WASL: variants seen among roughly 807,000 people sequenced by gnomAD.
The protein encoded by WASL is WASP like actin nucleation promoting factor, also known as actin nucleation-promoting factor WASL.
In WASL, 20 loss-of-function variants were observed where a neutral mutation model predicts 55.5. The ratio of observed to expected loss-of-function variants is 0.36; its 90% CI spans 0.25 to 0.52. WASL has a LOEUF of 0.52. Ranked by LOEUF, WASL falls within the 20% of genes least tolerant of loss-of-function variation. The pLI is 0.92. For missense variants in WASL, 504 were observed against 622.5 expected (o/e 0.81, Z 2.03); for synonymous variants, 249 against 217.6 (o/e 1.14, Z -1.27).
chr7:123,709,448 T>C (rs552057373), intron 1 of WASL, among the ~76,000 whole-genome samples: 1 of 152,322 alleles, frequency 6.6e-6, no homozygotes, highest in South Asian at 2.1e-4. Context: ...TAACAATAAT[T>C]ACTGAAAACA....
At chr7:123,706,938 ATGCACACATGTAACATATT>A in intron 2 of WASL, 112 bp from the exon 3 acceptor site, 2 of 537,466 alleles carry the variant, frequency 3.7e-6, no homozygotes, top group Non-Finnish European at 6.4e-6. Flanking sequence ...ATAACTTTTA[ATGCACACATGTAACATATT>A]TATAATATAT....
chr7:123,735,279 A>G (rs1012839624), intron 1 of WASL, among the ~76,000 whole-genome samples: 11 of 151,756 alleles, frequency 7.2e-5, no homozygotes, highest in African/African-American at 2.7e-4. Context: ...GACTTCATGG[A>G]AAAAAAATAG....
At chr7:123,734,532 T>C (rs1354251181) in intron 1 of WASL, among the ~76,000 whole-genome samples, 1 of 139,226 alleles carries the variant, frequency 7.2e-6, no homozygotes, top group Non-Finnish European at 1.5e-5. Context: ...CTATAAAGGC[T>C]ACATACTGTA....
intron 1 of WASL, among the ~76,000 whole-genome samples, chr7:123,748,415 T>C (rs1273236748): frequency 6.6e-6 from 1 of 151,598 alleles, no homozygotes; most frequent in Non-Finnish European, 1.5e-5. Flanking sequence ...CTCCAGCAGC[T>C]CGGGAAGGCG....
chr7:123,718,331 T>C (rs78038047), intron 1 of WASL, among the ~76,000 whole-genome samples: 2,502 of 152,264 alleles, frequency 0.016, 29 homozygotes, highest in Non-Finnish European at 0.025. Context: ...ATCAGAACAA[T>C]AGAATTTTGT....
intron 1 of WASL, among the ~76,000 whole-genome samples, chr7:123,729,078 T>C (rs1804099713): frequency 6.6e-6 from 1 of 152,184 alleles, no homozygotes; most frequent in African/African-American, 2.4e-5. Flanking sequence ...TATTACTCTG[T>C]GAACTGCCTA....
chr7:123,728,395 A>G (rs1222698104), intron 1 of WASL, among the ~76,000 whole-genome samples: 2 of 152,220 alleles, frequency 1.3e-5, no homozygotes, highest in Non-Finnish European at 2.9e-5. Context: ...ACAGATGAAG[A>G]GCATGTGTGT....
intron 1 of WASL, chr7:123,720,199 T>C (rs964492456): frequency 1.3e-5 from 5 of 390,188 alleles, no homozygotes; most frequent in South Asian, 7.8e-5. Flanking sequence ...ATGACTTCTA[T>C]CAAAACCATT....
intron 5 of WASL, among the ~76,000 whole-genome samples, chr7:123,703,925 CCTCT>C (rs1224322351): frequency 1.3e-5 from 2 of 152,068 alleles, no homozygotes; most frequent in East Asian, 1.9e-4. Context: ...AGCCATGGAT[CCTCT>C]CTCTCCAGAG....
At position 123,748,672 on chromosome 7, in the gene WASL, C is replaced by T; in HGVS notation, c.63G>A (p.Leu21=). The T allele has an allele frequency of 6.2e-7, 1 of 1,612,854 alleles. No homozygotes were observed. The highest frequency in any genetic ancestry group is 8.5e-7 in the Non-Finnish European group (1 of 1,179,490). The stretch of plus-strand genomic sequence containing the variant: ...GGGACTCGTTCTCCTGCGGGGTGAG[C>T]AACAGGGACCCCACGTTGGTGACCC... ...PRRVTNVGSL[L]LTPQENESLF... is the part of the protein sequence containing the mutation. The change falls in exon 1 of 11, where the codon TTG becomes TTA. Residue 21 remains leucine (L), a synonymous_variant. Transcript: ENST00000223023.
At chr7:123,715,575 T>C (rs144335115) in intron 1 of WASL, among the ~76,000 whole-genome samples, 157 of 152,332 alleles carry the variant, frequency 1.0e-3, no homozygotes, top group African/African-American at 3.6e-3. Flanking sequence ...TCTAGCAGTA[T>C]AGTTATGACA....
intron 1 of WASL, among the ~76,000 whole-genome samples, chr7:123,735,775 C>T (rs115127204): frequency 0.016 from 2,485 of 151,806 alleles, 80 homozygotes; most frequent in African/African-American, 0.057. Context: ...AGGAGGAAGA[C>T]GAGGAGGACA....
chr7:123,685,858 CTATA>C (rs947284160), intron 10 of WASL, among the ~76,000 whole-genome samples: 7 of 142,238 alleles, frequency 4.9e-5, no homozygotes, highest in Non-Finnish European at 7.6e-5. Context: ...ATACATATAC[CTATA>C]TATAAATATA....
chr7:123,688,966 A>G (rs942415125), intron 10 of WASL, 76 bp downstream of exon 10: 1 of 1,269,290 alleles, frequency 7.9e-7, no homozygotes, highest in Non-Finnish European at 1.1e-6. Context: ...ACAGAACGTC[A>G]AACATTCAAA....
At chr7:123,700,533 G>A (rs192755650) in intron 5 of WASL, among the ~76,000 whole-genome samples, 8 of 151,774 alleles carry the variant, frequency 5.3e-5, no homozygotes, top group South Asian at 2.1e-4. Context: ...CTTCACCTCC[G>A]GGTTCAAGTG....
chr7:123,716,453 T>C (rs982852598), intron 1 of WASL, among the ~76,000 whole-genome samples: 1 of 151,932 alleles, frequency 6.6e-6, no homozygotes, highest in African/African-American at 2.4e-5. Context: ...GACGATCTGC[T>C]TGAATCTGCT....
rs765477308 is a variant in WASL, at chr7:123,683,610, C to T, written c.*909G>A. ...CCACACAAAGTGCAAAATAAAAATG[C>T]TAAAATTCTACAGTATTTTAGTACT... On this transcript the variant is annotated 3_prime_UTR_variant, in exon 11 of 11. Transcript: ENST00000223023. The T allele has an allele frequency of 3.3e-5, 5 of 152,020 alleles. No individual in the cohort carries two copies. The East Asian group carries it at 5.8e-4, about 18-fold the overall frequency. The allele number at this position is 152,020 out of a possible 1,614,324, so 9.4% of individuals were successfully genotyped here.
rs373220960 is a variant in WASL at position 123,688,321 on chromosome 7, T to A, written c.1456+721A>T. 1.2e-4 allele frequency among the ~76,000 whole-genome samples: 19 copies of A among 152,232 alleles called. No individual in the cohort carries two copies. In the East Asian group the frequency reaches 3.1e-3, roughly 25 times the overall value. On this transcript the variant is annotated intron_variant, in intron 10 of 10. Transcript: ENST00000223023. ...TACTGAAATTCTTATCCCTAATCCT[T>A]ACAGATGAGGTAAATGGCCCGATTT...
chr7:123,695,975 C>T lies in WASL; in HGVS notation c.630-110G>A, dbSNP rs901125288. 3 of 937,318 alleles carry T rather than the reference C, an allele frequency of 3.2e-6. No homozygotes were observed. The African/African-American group carries it at 5.0e-5, about 16-fold the overall frequency. The allele number at this position is 937,318 out of a possible 1,614,324, so 58.1% of individuals were successfully genotyped here. On this transcript the variant is annotated intron_variant, in intron 6 of 10. Transcript: ENST00000223023. ...TTTGGCTTTGAATTTTTGGTCTGAA[C>T]TAACAGTTCTCACAGACATAACCAT...
Sources: gnomAD v4.1 joint callset for allele counts (sites outside exome capture counted in the v4.1 genomes callset) on GRCh38, gnomAD v4.1.1 for gene constraint, MANE v1.5 for transcripts, NCBI Gene and HGNC (gene_info 2026-07-23, HGNC 2026-07-21) for gene names.